TNRC6C: variants seen among roughly 807,000 people sequenced by gnomAD.
TNRC6C encodes trinucleotide repeat containing adaptor 6C.
Under a neutral mutation model 153.7 loss-of-function variants are expected in TNRC6C, and 20 were observed. The ratio of observed to expected loss-of-function variants is 0.13; its 90% CI spans 0.09 to 0.19. The LOEUF is 0.19. Ranked by LOEUF, TNRC6C falls within the 10% of genes least tolerant of loss-of-function variation. TNRC6C has a pLI of 1.00. For synonymous variants in TNRC6C, 811 were observed against 841.4 expected, an observed-to-expected ratio of 0.96 and a Z score of 0.63; for missense variants, 1,987 against 2,172.0, an observed-to-expected ratio of 0.91 and a Z score of 1.69.
intron 13 of TNRC6C, among the ~76,000 whole-genome samples, chr17:78,088,006 C>G (rs1405958978): frequency 1.3e-5 from 2 of 152,182 alleles, no homozygotes; most frequent in African/African-American, 4.8e-5. Flanking sequence ...TCTGTAGATA[C>G]AGGACAAAGG....
At chr17:78,094,099 C>T (rs900259302) in intron 16 of TNRC6C, among the ~76,000 whole-genome samples, 5 of 151,758 alleles carry the variant, frequency 3.3e-5, no homozygotes, top group African/African-American at 1.2e-4. Context: ...CCTGCCTCAG[C>T]CTCCCAAGTA....
chr17:78,036,081 AGCAGGGGGCCGCTGAG>A (rs1185500433), intron 2 of TNRC6C, among the ~76,000 whole-genome samples: 1 of 152,192 alleles, frequency 6.6e-6, no homozygotes, highest in Non-Finnish European at 1.5e-5. Context: ...GAATTAACCA[AGCAGGGGGCCGCTGAG>A]GGAGGCGTCC....
intron 1 of TNRC6C, 45 bp from the exon 4 acceptor site, chr17:78,031,471 G>T: frequency 8.2e-7 from 1 of 1,222,472 alleles, no homozygotes; most frequent in South Asian, 4.2e-5. Flanking sequence ...GTTTTAAAGG[G>T]GTCTAGCTAA....
In TNRC6C at chr17:78,029,472, A is replaced by G. The variant is rs144700211; in HGVS notation, c.-545-2044A>G. On this transcript the variant is annotated intron_variant, in intron 1 of 19. Transcript: ENST00000301624. ...GGGACAAGAAAAATACGCTATAAAG[A>G]ATTTTTAAAAGGTACACCTGTATAG... Among the ~76,000 whole-genome samples the G allele has an allele frequency of 9.5e-3, 1,443 of 152,308 alleles. 16 individuals carry two copies. Among genetic ancestry groups the G allele is most frequent in the South Asian group, 0.038 (181 of 4,824 alleles).
intron 8 of TNRC6C, among the ~76,000 whole-genome samples, chr17:78,076,435 A>G (rs1231217111): frequency 6.6e-6 from 1 of 152,168 alleles, no homozygotes; most frequent in African/African-American, 2.4e-5. Context: ...TTACAGATAA[A>G]TAATTTTTGA....
intron 1 of TNRC6C, among the ~76,000 whole-genome samples, chr17:77,991,223 G>A (rs1780702049): frequency 6.6e-6 from 1 of 152,180 alleles, no homozygotes; most frequent in African/African-American, 2.4e-5. Flanking sequence ...TATTCCTGTA[G>A]AGTCAAATCT....
At chr17:77,985,610 A>AAAAAAAAAAAAC (rs1567901526) in intron 1 of TNRC6C, among the ~76,000 whole-genome samples, 8 of 152,034 alleles carry the variant, frequency 5.3e-5, no homozygotes, top group African/African-American at 1.9e-4. Context: ...TCAAAAAAAA[A>AAAAAAAAAAAAC]AAAAAACCAG....
rs201217429 is a variant in TNRC6C, at chr17:78,051,002, C to G, written c.1940C>G (p.Thr647Arg). ...AGTGGCTGGGGCAACAGCACAAATA[C>G]AAAGGCCAATCCAGGTACAAACTGG... Residue 647 changes from threonine (T) to arginine (R), a missense_variant, in exon 3 of 20, where the codon ACA (threonine) becomes AGA (arginine). Physicochemically the swap from Thr to Arg is moderately conservative, Grantham distance 71. Around this residue, in one of 4 missense-constraint regions of TNRC6C, gnomAD observed 1,052 missense variants for 1,017.0 expected, o/e 1.03. Transcript: ENST00000301624. 7.4e-6 allele frequency: 12 copies of G among 1,613,920 alleles called. No individual in the cohort carries two copies. The Admixed American group carries it at 1.7e-4, about 22-fold the overall frequency.
chr17:78,028,600 A>G (rs1189915862), intron 1 of TNRC6C, among the ~76,000 whole-genome samples: 1 of 152,214 alleles, frequency 6.6e-6, no homozygotes, highest in Non-Finnish European at 1.5e-5. Context: ...TGTAGCGTTC[A>G]CATGGTAGAT....
chr17:78,093,672 T>C (rs2073431829), exon 16 of TNRC6C: 1 of 1,614,010 alleles, frequency 6.2e-7, no homozygotes, highest in African/African-American at 1.3e-5. Flanking sequence ...ACCCTGAGAA[T>C]GACCCTGACG....
At position 78,076,678 on chromosome 17, in the gene TNRC6C, C is replaced by T. The variant is rs79638267; in HGVS notation, c.3061-507C>T. ...ATAAATTTGCAAAAGACCTGGCACA[C>T]AGCATGACCTCAGTAGATGTTAAAA... is the stretch of plus-strand genomic sequence containing the variant. On this transcript the variant is annotated intron_variant, in intron 8 of 19. Transcript: ENST00000301624. Among the ~76,000 whole-genome samples, 948 of 152,242 alleles carry T rather than the reference C, an allele frequency of 6.2e-3. 11 individuals carry two copies. The highest frequency in any genetic ancestry group is 0.022 in the African/African-American group (905 of 41,534).
chr17:78,006,559 T>TTCTTCTTCC (rs2071513425), intron 1 of TNRC6C, among the ~76,000 whole-genome samples: 2 of 132,318 alleles, frequency 1.5e-5, no homozygotes, highest in Non-Finnish European at 3.2e-5. Context: ...CTTCTTCTTC[T>TTCTTCTTCC]TCCTTCTTCC....
In TNRC6C at chr17:78,104,849, C is replaced by A. The variant is rs373292463; in HGVS notation, c.*4C>A. 1 of 1,413,304 alleles carries A rather than the reference C, an allele frequency of 7.1e-7. No individual in the cohort carries two copies. Among genetic ancestry groups the A allele is most frequent in the Non-Finnish European group, 9.2e-7 (1 of 1,086,908 alleles). The allele number at this position is 1,413,304 out of a possible 1,614,324, so 87.5% of individuals were successfully genotyped here. On this transcript the variant is annotated 3_prime_UTR_variant, in exon 20 of 20. Transcript: ENST00000301624. This position sits in a 1 kb window ranked among gnomAD's most constrained non-coding sequence, Gnocchi z 6.2. The stretch of plus-strand genomic sequence containing the variant: ...GCTCAGCGGGGAGTCCCTGTAGGCT[C>A]TGCCATCATCAGCACCAGGAGAGCC...
intron 1 of TNRC6C, among the ~76,000 whole-genome samples, chr17:77,965,731 A>C (rs1398310626): frequency 6.6e-6 from 1 of 152,244 alleles, no homozygotes; most frequent in Non-Finnish European, 1.5e-5. Flanking sequence ...CCACATACAC[A>C]TATTAAAAAG....
intron 1 of TNRC6C, 104 bp from the exon 4 acceptor site, chr17:78,031,412 T>G: frequency 1.2e-6 from 1 of 847,590 alleles, no homozygotes; most frequent in Non-Finnish European, 1.6e-6. Flanking sequence ...AAGCACTACA[T>G]TGTCATTTTT....
chr17:78,071,218 C>T (rs1489451401), intron 6 of TNRC6C, 53 bp downstream of exon 8: 1 of 1,519,456 alleles, frequency 6.6e-7, no homozygotes, highest in Non-Finnish European at 9.0e-7. Context: ...AAATGAAATG[C>T]CCTCATTGTT....
Position 77,960,313 on chromosome 17 carries a change from G to A in TNRC6C, c.-38+1045G>A, listed in dbSNP as rs559913353. On this transcript the variant is annotated intron_variant, in intron 1 of 22. Coordinates refer to the TNRC6C transcript ENST00000636222. ...TTGCAAGTTGGAGCCTTCTGACTGGGTTAATCCATTGTGTAGCCGAGGTTC... is the reference window on the plus strand; with the variant it reads ...TTGCAAGTTGGAGCCTTCTGACTGGATTAATCCATTGTGTAGCCGAGGTTC... 3.3e-5 allele frequency among the ~76,000 whole-genome samples: 5 copies of A among 152,294 alleles called. No homozygotes were observed. In the South Asian group the frequency reaches 8.3e-4, roughly 25 times the overall value.
chr17:77,968,502 C>T (rs1056277300), intron 1 of TNRC6C, among the ~76,000 whole-genome samples: 5 of 151,720 alleles, frequency 3.3e-5, no homozygotes, highest in Non-Finnish European at 7.4e-5. Context: ...CCACCACACC[C>T]AGCTAATTTT....
chr17:77,996,676 G>T (rs2071333352), intron 1 of TNRC6C, among the ~76,000 whole-genome samples: 1 of 152,124 alleles, frequency 6.6e-6, no homozygotes, highest in Admixed American at 6.5e-5. Context: ...CCCTTCTTTG[G>T]TGTTGGCTTC....
Sources: allele counts gnomAD v4.1 joint callset (sites outside exome capture counted in the v4.1 genomes callset), GRCh38; gene constraint gnomAD v4.1.1; regional missense constraint gnomAD v4.1.1; non-coding constraint Gnocchi (gnomAD v3.1); transcripts MANE v1.5; gene names NCBI Gene and HGNC (gene_info 2026-07-23, HGNC 2026-07-21).